CDIN1: variants seen among roughly 807,000 people sequenced by gnomAD.
The protein encoded by CDIN1 is CDAN1 interacting nuclease 1, also known as CDAN1-interacting nuclease 1.
CDIN1 carries 33 observed loss-of-function variants against 45.3 expected under a neutral mutation model. The observed-to-expected ratio is 0.73, with a 90% CI of 0.55 to 0.97. The LOEUF (loss-of-function observed/expected upper bound fraction) is 0.97, where lower values mean the gene tolerates loss of function less well. Among genes scored for constraint, CDIN1 ranks in the 50% least tolerant of loss-of-function variants. The probability of loss-of-function intolerance (pLI) is 0.00; values close to 1 mark genes in which losing one functional copy is unlikely to be tolerated. For missense variants in CDIN1, 303 were observed against 339.4 expected (o/e 0.89, Z 0.84); for synonymous variants, 118 against 124.4 (o/e 0.95, Z 0.34).
chr15:36,613,829 G>C, intron 1 of CDIN1: 1 of 1,601,084 alleles, frequency 6.2e-7, no homozygotes, highest in Non-Finnish European at 8.5e-7. Flanking sequence ...GCACATTGCA[G>C]AAGAGGCAGA....
intron 10 of CDIN1, among the ~76,000 whole-genome samples, chr15:36,767,450 T>A (rs768637870): frequency 8.5e-5 from 13 of 152,210 alleles, no homozygotes; most frequent in Non-Finnish European, 1.8e-4. Context: ...CAAAGTCACC[T>A]AGTAATTTCA....
intron 1 of CDIN1, among the ~76,000 whole-genome samples, chr15:36,614,811 A>T (rs2140286628): frequency 6.6e-6 from 1 of 152,360 alleles, no homozygotes; most frequent in Non-Finnish European, 1.5e-5. Context: ...GCTTTAATAT[A>T]TCTTTGGATA....
intron 5 of CDIN1, among the ~76,000 whole-genome samples, chr15:36,672,721 C>T (rs1296856195): frequency 2.0e-5 from 3 of 151,792 alleles, no homozygotes; most frequent in Non-Finnish European, 4.4e-5. Flanking sequence ...TAACTTTTCA[C>T]CAATCCAGAA....
intron 7 of CDIN1, 95 bp from the exon 8 acceptor site, chr15:36,697,228 G>T (rs560206006): frequency 1.4e-5 from 13 of 917,496 alleles, no homozygotes; most frequent in Non-Finnish European, 2.0e-5. Context: ...TGTGGACTAA[G>T]GGTGAAAATG....
intron 5 of CDIN1, among the ~76,000 whole-genome samples, chr15:36,672,468 G>T (rs1237897790): frequency 6.6e-6 from 1 of 152,000 alleles, no homozygotes; most frequent in Admixed American, 6.6e-5. Flanking sequence ...TTGCATCCTA[G>T]CAGTGAAGGC....
chr15:36,682,984 A>G (rs1352736442), intron 5 of CDIN1, among the ~76,000 whole-genome samples: 2 of 152,190 alleles, frequency 1.3e-5, no homozygotes, highest in African/African-American at 4.8e-5. Flanking sequence ...CTTTGAAGTA[A>G]CAGTCATTGA....
intron 10 of CDIN1, among the ~76,000 whole-genome samples, chr15:36,739,052 A>G (rs1000715129): frequency 3.3e-5 from 5 of 152,346 alleles, no homozygotes; most frequent in Non-Finnish European, 5.9e-5. Context: ...AATCTAATAT[A>G]TATGCCATGG....
intron 10 of CDIN1, among the ~76,000 whole-genome samples, chr15:36,807,930 T>C (rs777167477): frequency 4.6e-5 from 7 of 152,256 alleles, no homozygotes; most frequent in Non-Finnish European, 7.3e-5. Flanking sequence ...AAGTTTAATT[T>C]TTTAAATAGT....
chr15:36,737,589 CAAT>C (rs1273361005), intron 10 of CDIN1, among the ~76,000 whole-genome samples: 1 of 152,132 alleles, frequency 6.6e-6, no homozygotes, highest in African/African-American at 2.4e-5. Flanking sequence ...TAGTCTGGGT[CAAT>C]TAGTTACTGT....
intron 1 of CDIN1, among the ~76,000 whole-genome samples, chr15:36,605,294 C>G (rs969065833): frequency 4.6e-5 from 7 of 152,038 alleles, no homozygotes; most frequent in Admixed American, 2.6e-4. Flanking sequence ...CCATATGTGA[C>G]TAGCAGCATT....
At chr15:36,593,715 C>T (rs1005453334) in intron 1 of CDIN1, among the ~76,000 whole-genome samples, 1 of 152,078 alleles carries the variant, frequency 6.6e-6, no homozygotes, top group African/African-American at 2.4e-5. Context: ...AGGCGCCCGC[C>T]ACCACGACCG....
chr15:36,739,475 TC>T, intron 10 of CDIN1, among the ~76,000 whole-genome samples: 1 of 152,264 alleles, frequency 6.6e-6, no homozygotes, highest in South Asian at 2.1e-4. Flanking sequence ...GTCTCCTCTC[TC>T]CCTCGCTTTG....
At chr15:36,583,025 T>C (rs1017062879) in intron 1 of CDIN1, among the ~76,000 whole-genome samples, 1 of 152,224 alleles carries the variant, frequency 6.6e-6, no homozygotes, top group African/African-American at 2.4e-5. Flanking sequence ...TATTACTTAT[T>C]GATCTGCATA....
chr15:36,739,651 T>TA (rs1464035141), intron 10 of CDIN1, among the ~76,000 whole-genome samples: 1 of 152,236 alleles, frequency 6.6e-6, no homozygotes, highest in Non-Finnish European at 1.5e-5. Flanking sequence ...TTTTAACCAT[T>TA]ACTGGCAAGT....
intron 1 of CDIN1, chr15:36,617,458 A>G (rs1210465123): frequency 1.3e-5 from 13 of 983,682 alleles, no homozygotes; most frequent in Non-Finnish European, 2.1e-5. Flanking sequence ...AGAATGTCTA[A>G]AGAAACAATT....
chr15:36,693,319 TA>T lies in CDIN1; in HGVS notation c.476+1147del, dbSNP rs562468847. On this transcript the variant is annotated intron_variant, in intron 7 of 10. Coordinates refer to ENST00000566621, the MANE Select transcript of CDIN1 (RefSeq NM_001321759.2). The stretch of plus-strand genomic sequence containing the variant: ...CCAAGTCTGTTTCTCCAGTCTAGCT[TA>T]AATTAGTAAAAACACACAGCATTAT... Among the ~76,000 whole-genome samples, 13 of 152,310 alleles carry T rather than the reference TA, an allele frequency of 8.5e-5. No individual in the cohort carries two copies. In the East Asian group the frequency reaches 2.3e-3, roughly 27 times the overall value.
chr15:36,680,235 C>A (rs924819842), intron 5 of CDIN1, among the ~76,000 whole-genome samples: 1 of 152,174 alleles, frequency 6.6e-6, no homozygotes, highest in African/African-American at 2.4e-5. Flanking sequence ...TGATTGCACT[C>A]CCCATCCTGT....
chr15:36,770,641 G>C (rs557944587), intron 10 of CDIN1, among the ~76,000 whole-genome samples: 1 of 151,920 alleles, frequency 6.6e-6, no homozygotes, highest in Admixed American at 6.6e-5. Context: ...TTAGAGACAG[G>C]GTTTCACCAT....
chr15:36,746,752 CTTTTTT>C (rs760613983), intron 10 of CDIN1, among the ~76,000 whole-genome samples: 3 of 74,346 alleles, frequency 4.0e-5, no homozygotes, highest in Non-Finnish European at 7.3e-5. Flanking sequence ...GGAAACGTGT[CTTTTTT>C]TTTTTTTTTT....
Sources: gnomAD v4.1 joint callset for allele counts (sites outside exome capture counted in the v4.1 genomes callset) on GRCh38, gnomAD v4.1.1 for gene constraint, MANE v1.5 for transcripts, NCBI Gene and HGNC (gene_info 2026-07-23, HGNC 2026-07-21) for gene names.